NAPB: variants seen among roughly 807,000 people sequenced by gnomAD.
NAPB encodes beta-soluble NSF attachment protein.
Under a neutral mutation model 44.7 loss-of-function variants are expected in NAPB, and 26 were observed. The ratio of observed to expected loss-of-function variants is 0.58; its 90% CI spans 0.43 to 0.81. The LOEUF is 0.81. NAPB is among the 30% of genes least tolerant of loss of function. NAPB has a pLI of 0.00. For missense variants in NAPB, 315 were observed against 356.4 expected, an observed-to-expected ratio of 0.88 and a Z score of 0.94; for synonymous variants, 120 against 116.8, an observed-to-expected ratio of 1.03 and a Z score of -0.18.
rs758687677 is a variant in NAPB at position 23,421,446 on chromosome 20, T to G, written c.-44A>C. 2.0e-6 allele frequency: 3 copies of G among 1,521,608 alleles called. No homozygotes were observed. The highest frequency in any genetic ancestry group is 2.7e-6 in the Non-Finnish European group (3 of 1,130,382). The allele number at this position is 1,521,608 out of a possible 1,614,324, so 94.3% of individuals were successfully genotyped here. ...CACAGCCCCCTCAGCCGGCTCGCTG[T>G]GCGCCCAGGCGCCTTAACCCTCCCT... On this transcript the variant is annotated 5_prime_UTR_variant, in exon 1 of 11. Transcript: ENST00000377026.
At chr20:23,387,698 C>T (rs1983629481) in intron 7 of NAPB, among the ~76,000 whole-genome samples, 1 of 151,718 alleles carries the variant, frequency 6.6e-6, no homozygotes, top group Non-Finnish European at 1.5e-5. Flanking sequence ...ACAAAACTTA[C>T]ACACCAAAAA....
intron 1 of NAPB, among the ~76,000 whole-genome samples, chr20:23,414,774 T>C (rs1985890651): frequency 6.6e-6 from 1 of 152,188 alleles, no homozygotes; most frequent in Non-Finnish European, 1.5e-5. Flanking sequence ...AAACACAATG[T>C]GAAAATCTAA....
At chr20:23,415,022 TTATATA>T (rs1327449922) in intron 1 of NAPB, among the ~76,000 whole-genome samples, 1 of 152,128 alleles carries the variant, frequency 6.6e-6, no homozygotes, top group Non-Finnish European at 1.5e-5. Flanking sequence ...AATATGCTGT[TTATATA>T]TAAAAGGTAA....
In NAPB at chr20:23,381,286, AAC is replaced by A; in HGVS notation, c.591_592del (p.Leu197PhefsTer29). ...GAAGTAATCCTTTGCACTGTATTTC[AAC>A]AAAGGATTATCCATTGTGTTTGCCC... On this transcript the variant is annotated frameshift_variant, in exon 8 of 11. Coordinates refer to ENST00000377026, the MANE Select transcript of NAPB (RefSeq NM_022080.3). LOFTEE classifies it high-confidence loss of function. 1 of 1,606,062 alleles carries A rather than the reference AAC, an allele frequency of 6.2e-7. No homozygotes were observed. The highest frequency in any genetic ancestry group is 8.5e-7 in the Non-Finnish European group (1 of 1,176,564).
intron 1 of NAPB, among the ~76,000 whole-genome samples, chr20:23,410,043 T>C (rs186532366): frequency 4.2e-4 from 64 of 152,286 alleles, no homozygotes; most frequent in African/African-American, 1.5e-3. Flanking sequence ...TAGAAGGGCT[T>C]TGCCACAGGC....
intron 5 of NAPB, among the ~76,000 whole-genome samples, chr20:23,393,134 T>C (rs1984093984): frequency 6.6e-6 from 1 of 152,092 alleles, no homozygotes; most frequent in South Asian, 2.1e-4. Context: ...CTCCCTCCCA[T>C]TCCATCATCA....
At position 23,394,911 on chromosome 20, in the gene NAPB, C is replaced by T. The variant is rs763479392; in HGVS notation, c.420+11G>A. On this transcript the variant is annotated intron_variant, in intron 5 of 10. Transcript: ENST00000377026. ...CTGCTTCACATCTGAGGAAGTGTGC[C>T]CACTGCTTACCTTCTCAATGTCTAC... 1 of 1,612,630 alleles carries T rather than the reference C, an allele frequency of 6.2e-7. No homozygotes were observed. Among genetic ancestry groups the T allele is most frequent in the Non-Finnish European group, 8.5e-7 (1 of 1,178,672 alleles).
chr20:23,398,639 G>A (rs1236328581), intron 2 of NAPB, among the ~76,000 whole-genome samples: 6 of 152,000 alleles, frequency 3.9e-5, no homozygotes, highest in Admixed American at 6.6e-5. Context: ...TCAGGAGTTC[G>A]AGACCAGCCT....
chr20:23,410,563 T>C (rs1464346344), intron 1 of NAPB, among the ~76,000 whole-genome samples: 3 of 152,124 alleles, frequency 2.0e-5, no homozygotes, highest in Non-Finnish European at 2.9e-5. Flanking sequence ...AGAGAAACAG[T>C]TGAAAAACTA....
In NAPB at chr20:23,408,618, C is replaced by T. The variant is rs531504478; in HGVS notation, c.99-5546G>A. ...TTGGGGCTTTCCTAGGTAAACTTAA[C>T]CCTTCCAAGATTACTTTATTTCAGT... On this transcript the variant is annotated intron_variant, in intron 1 of 10. Transcript: ENST00000377026. 3.9e-5 allele frequency among the ~76,000 whole-genome samples: 6 copies of T among 152,330 alleles called. No individual in the cohort carries two copies. In the South Asian group the frequency reaches 1.0e-3, roughly 26 times the overall value.
In NAPB at chr20:23,375,750, AG is replaced by A. The variant is rs1156384307; in HGVS notation, c.*1625del. The A allele has an allele frequency of 7.9e-5, 12 of 152,198 alleles. No individual in the cohort carries two copies. Among genetic ancestry groups the A allele is most frequent in the African/African-American group, 2.9e-4 (12 of 41,432 alleles). 9.4% of individuals were successfully genotyped at this position (152,198 alleles called of 1,614,324 possible). ...GTAGTGGGGACTACAGTGCACCTGT[AG>A]TCCCAGTAGATGCTCTGACATCACA... On this transcript the variant is annotated 3_prime_UTR_variant, in exon 11 of 11. Transcript: ENST00000377026.
chr20:23,416,632 C>T (rs1188160553), intron 1 of NAPB, among the ~76,000 whole-genome samples: 1 of 151,934 alleles, frequency 6.6e-6, no homozygotes, highest in African/African-American at 2.4e-5. Context: ...AATTTATAAT[C>T]GATTTCTTTT....
intron 1 of NAPB, 42 bp from the exon 2 acceptor site, chr20:23,403,114 A>G (rs372497038): frequency 1.7e-5 from 24 of 1,397,798 alleles, no homozygotes; most frequent in Non-Finnish European, 2.2e-5. Flanking sequence ...AACCATCCAC[A>G]TCTCTAATTC....
chr20:23,377,603 A>G (rs980215361), intron 10 of NAPB, 117 bp from the exon 11 acceptor site: 2 of 451,176 alleles, frequency 4.4e-6, no homozygotes, highest in Non-Finnish European at 7.6e-6. Flanking sequence ...TTTCTTCATC[A>G]TTTGAAATTA....
intron 10 of NAPB, chr20:23,378,664 A>G (rs1982727908): frequency 6.7e-6 from 1 of 149,590 alleles, no homozygotes. Context: ...CTGGTCTCAA[A>G]CTCCTGATCT....
intron 7 of NAPB, among the ~76,000 whole-genome samples, chr20:23,389,551 G>GA (rs1160130985): frequency 6.6e-6 from 1 of 152,094 alleles, no homozygotes; most frequent in African/African-American, 2.4e-5. Flanking sequence ...TATTAGCCAC[G>GA]AAAAACAATG....
chr20:23,394,986 A>G lies in NAPB; in HGVS notation c.356T>C (p.Ile119Thr). 6.2e-7 allele frequency: 1 copy of G among 1,614,166 alleles called. No homozygotes were observed. Among genetic ancestry groups the G allele is most frequent in the African/African-American group, 1.3e-5 (1 of 75,048 alleles). ...DIYTDMGRFTIAAKHHITIAE... is the reference protein window; with the variant it reads ...DIYTDMGRFTTAAKHHITIAE... Reference sequence around the variant, plus strand: ...AATAGTAATGTGGTGCTTGGCTGCAATTGTAAACCTTCCCTAGGGGAAAAA... The same window carrying G: ...AATAGTAATGTGGTGCTTGGCTGCAGTTGTAAACCTTCCCTAGGGGAAAAA... The change falls in exon 5 of 11, where the codon ATT (isoleucine) becomes ACT (threonine). Residue 119 changes from isoleucine to threonine, a missense_variant. By Grantham distance (89) the Ile-to-Thr change is moderately conservative. Coordinates refer to ENST00000377026, the MANE Select transcript of NAPB (RefSeq NM_022080.3).
intron 8 of NAPB, among the ~76,000 whole-genome samples, chr20:23,380,161 GA>G (rs1982877982): frequency 6.6e-6 from 1 of 152,230 alleles, no homozygotes; most frequent in Admixed American, 6.5e-5. Context: ...CTGCTGCTGA[GA>G]AGACATTGTA....
At chr20:23,379,221 A>G (rs756045649) in intron 10 of NAPB, 11 of 452,464 alleles carry the variant, frequency 2.4e-5, no homozygotes, top group Non-Finnish European at 4.3e-5. Context: ...CTCCTGAACT[A>G]GTCTCACAGC....
Sources: gnomAD v4.1 joint callset for allele counts (sites outside exome capture counted in the v4.1 genomes callset) on GRCh38, gnomAD v4.1.1 for gene constraint, MANE v1.5 for transcripts, NCBI Gene and HGNC (gene_info 2026-07-23, HGNC 2026-07-21) for gene names.